CNBD1: variants seen among roughly 807,000 people sequenced by gnomAD.
The protein encoded by CNBD1 is cyclic nucleotide-binding domain-containing protein 1.
In CNBD1, 71 loss-of-function variants were observed where a neutral mutation model predicts 54.4. The ratio of observed to expected loss-of-function variants is 1.30; its 90% CI spans 1.08 to 1.59. CNBD1 has a LOEUF of 1.59. Among genes scored for constraint, CNBD1 ranks in the 40% most tolerant of loss-of-function variants. CNBD1 has a pLI of 0.00. For synonymous variants in CNBD1, 182 were observed against 170.7 expected (o/e 1.07, Z -0.51); for missense variants, 659 against 518.0 (o/e 1.27, Z -2.64).
chr8:87,064,414 G>T (rs2130643651), intron 4 of CNBD1, among the ~76,000 whole-genome samples: 1 of 151,900 alleles, frequency 6.6e-6, no homozygotes, highest in East Asian at 1.9e-4. Context: ...AAAGTATAAT[G>T]CGAATTGATA....
intron 4 of CNBD1, among the ~76,000 whole-genome samples, chr8:87,003,153 T>C (rs541040149): frequency 7.8e-4 from 119 of 152,274 alleles, no homozygotes; most frequent in African/African-American, 2.8e-3. Flanking sequence ...TGAAAAACAA[T>C]ATTAAAAATC....
chr8:87,113,812 G>A (rs562807436), intron 4 of CNBD1, among the ~76,000 whole-genome samples: 4 of 151,942 alleles, frequency 2.6e-5, no homozygotes, highest in Admixed American at 6.5e-5. Context: ...CCAGCTACTC[G>A]GGAGGCTGAG....
intron 4 of CNBD1, among the ~76,000 whole-genome samples, chr8:87,203,763 C>A (rs963431339): frequency 6.6e-6 from 1 of 152,184 alleles, no homozygotes; most frequent in African/African-American, 2.4e-5. Context: ...GGTCTGCTAA[C>A]ATAAAAACCA....
At chr8:86,939,016 C>T (rs74789447) in intron 3 of CNBD1, among the ~76,000 whole-genome samples, 27 of 152,162 alleles carry the variant, frequency 1.8e-4, no homozygotes, top group African/African-American at 6.3e-4. Context: ...TTGTATTTCT[C>T]GCCTATGAGT....
chr8:87,333,358 TC>T (rs1480309245), intron 8 of CNBD1, among the ~76,000 whole-genome samples: 4 of 152,114 alleles, frequency 2.6e-5, no homozygotes, highest in African/African-American at 7.2e-5. Context: ...TATTTGAATA[TC>T]CTTTATTTCT....
intron 8 of CNBD1, among the ~76,000 whole-genome samples, chr8:87,329,830 A>C (rs537933835): frequency 6.6e-6 from 1 of 151,938 alleles, no homozygotes. Context: ...ATAGATGATT[A>C]TGTCATCAGC....
chr8:87,381,770 A>T (rs567959253), intron 10 of CNBD1, among the ~76,000 whole-genome samples: 1 of 152,074 alleles, frequency 6.6e-6, no homozygotes, highest in South Asian at 2.1e-4. Flanking sequence ...CCCAAACCTG[A>T]CCACTCATAC....
intron 4 of CNBD1, among the ~76,000 whole-genome samples, chr8:87,129,301 G>A (rs1012598428): frequency 7.2e-5 from 11 of 151,848 alleles, no homozygotes; most frequent in South Asian, 2.1e-4. Flanking sequence ...GCCAAAAGTC[G>A]TCTTTGTGGG....
At chr8:86,934,719 C>A (rs1272631870) in intron 3 of CNBD1, among the ~76,000 whole-genome samples, 1 of 151,938 alleles carries the variant, frequency 6.6e-6, no homozygotes, top group African/African-American at 2.4e-5. Flanking sequence ...TTTTTAGATA[C>A]CCATTATTTT....
At chr8:87,024,007 G>T (rs1402822505) in intron 4 of CNBD1, among the ~76,000 whole-genome samples, 1 of 152,072 alleles carries the variant, frequency 6.6e-6, no homozygotes, top group Non-Finnish European at 1.5e-5. Flanking sequence ...GGAGGCCGAG[G>T]CGGGTGGATC....
chr8:87,365,564 ATATT>A (rs1810626338), intron 10 of CNBD1, among the ~76,000 whole-genome samples: 1 of 152,068 alleles, frequency 6.6e-6, no homozygotes, highest in African/African-American at 2.4e-5. Flanking sequence ...TATGAATTTT[ATATT>A]TATTGATTCA....
chr8:87,325,728 A>G (rs199780897), intron 8 of CNBD1, among the ~76,000 whole-genome samples: 64,645 of 124,640 alleles, frequency 0.52, 18,993 homozygotes, highest in African/African-American at 0.74. Flanking sequence ...CCTGAATACA[A>G]CACACTGATG....
At position 87,297,131 on chromosome 8, in the gene CNBD1, T is replaced by C. The variant is rs112452720; in HGVS notation, c.1042+10460T>C. Reference sequence around the variant, plus strand: ...AGGTGGAGCTTGCAGTGAGCCGAGATTGTGCCACTGCAGTCCAGCCTGGGT... The same window carrying C: ...AGGTGGAGCTTGCAGTGAGCCGAGACTGTGCCACTGCAGTCCAGCCTGGGT... On this transcript the variant is annotated intron_variant, in intron 8 of 10. Coordinates refer to ENST00000518476, the MANE Select transcript of CNBD1 (RefSeq NM_173538.3). 3.7e-4 allele frequency among the ~76,000 whole-genome samples: 53 copies of C among 143,406 alleles called. 1 individual carries two copies. Among genetic ancestry groups the C allele is most frequent in the African/African-American group, 1.3e-3 (51 of 37,812 alleles). 94.1% of individuals were successfully genotyped at this position (143,406 alleles called of 152,430 possible). A position where few individuals can be genotyped will look rare whatever the true frequency, so the allele number is the denominator to read the frequency against.
In CNBD1 at chr8:87,280,874, C is replaced by T. The variant is rs80030454; in HGVS notation, c.772-3804C>T. ...ATCAATTTATTTTTCAGTAAAATAA[C>T]ATGAGAATTTACAAGTATGAGAAAC... On this transcript the variant is annotated intron_variant, in intron 6 of 10. Transcript: ENST00000518476. 5.1e-3 allele frequency among the ~76,000 whole-genome samples: 779 copies of T among 151,522 alleles called. 7 individuals are homozygous for T. The highest frequency in any genetic ancestry group is 0.018 in the African/African-American group (734 of 41,460).
In CNBD1 at chr8:87,209,456, T is replaced by C. The variant is rs1033794424; in HGVS notation, c.577+3318T>C. On this transcript the variant is annotated intron_variant, in intron 5 of 10. Coordinates refer to ENST00000518476, the MANE Select transcript of CNBD1 (RefSeq NM_173538.3). ...CAATAAAAAATTACTTAGGTGTAAA[T>C]CTAATCAAGGAAGTGAAAGACCTGT... 4.6e-5 allele frequency among the ~76,000 whole-genome samples: 7 copies of C among 152,160 alleles called. No individual in the cohort carries two copies. In the East Asian group the frequency reaches 1.4e-3, roughly 29 times the overall value.
chr8:87,190,964 T>TG (rs1813598619), intron 4 of CNBD1, among the ~76,000 whole-genome samples: 1 of 150,512 alleles, frequency 6.6e-6, no homozygotes, highest in Non-Finnish European at 1.5e-5. Flanking sequence ...TGTATCTGTA[T>TG]GAAAGATATA....
intron 6 of CNBD1, among the ~76,000 whole-genome samples, chr8:87,275,499 A>G (rs1316722773): frequency 6.7e-6 from 1 of 149,868 alleles, no homozygotes; most frequent in Non-Finnish European, 1.5e-5. Context: ...AGATGCAGAA[A>G]AGGCCTTTGA....
At chr8:87,205,581 G>A (rs950683981) in intron 4 of CNBD1, among the ~76,000 whole-genome samples, 4 of 151,936 alleles carry the variant, frequency 2.6e-5, no homozygotes, top group Non-Finnish European at 4.4e-5. Context: ...AACTTTAATA[G>A]TACTTAAAAG....
At chr8:87,240,947 A>G (rs927519437) in intron 6 of CNBD1, among the ~76,000 whole-genome samples, 4 of 152,028 alleles carry the variant, frequency 2.6e-5, no homozygotes, top group African/African-American at 9.7e-5. Flanking sequence ...CTTTTCGTAC[A>G]GTTTAGCTGG....
Sources: gnomAD v4.1 joint callset for allele counts (sites outside exome capture counted in the v4.1 genomes callset) on GRCh38, gnomAD v4.1.1 for gene constraint, MANE v1.5 for transcripts, NCBI Gene and HGNC (gene_info 2026-07-23, HGNC 2026-07-21) for gene names.